OPCML: variants seen among roughly 807,000 people sequenced by gnomAD.
The protein encoded by OPCML is opioid-binding protein/cell adhesion molecule.
Under a neutral mutation model 37.8 loss-of-function variants are expected in OPCML, and 13 were observed. The ratio of observed to expected loss-of-function variants is 0.34; its 90% confidence interval spans 0.22 to 0.55. OPCML has a LOEUF of 0.55. Among genes scored for constraint, OPCML ranks in the 20% least tolerant of loss-of-function variants. OPCML has a pLI of 0.91. For synonymous variants in OPCML, 176 were observed against 168.8 expected (o/e 1.04, Z -0.33); for missense variants, 341 against 435.6 (o/e 0.78, Z 1.93).
chr11:133,511,701 C>CT (rs1208121813), intron 1 of OPCML, among the ~76,000 whole-genome samples: 178 of 147,014 alleles, frequency 1.2e-3, no homozygotes, highest in South Asian at 0.011. Context: ...GCCTGATGTA[C>CT]TTTTTTTTTT....
At chr11:133,270,565 C>T (rs763792170) in intron 1 of OPCML, among the ~76,000 whole-genome samples, 1 of 152,102 alleles carries the variant, frequency 6.6e-6, no homozygotes, top group Non-Finnish European at 1.5e-5. Context: ...CCTGTTTATG[C>T]TTTCAGATGT....
intron 1 of OPCML, among the ~76,000 whole-genome samples, chr11:133,319,878 AATTT>A (rs775398863): frequency 6.6e-6 from 1 of 152,186 alleles, no homozygotes; most frequent in Non-Finnish European, 1.5e-5. Flanking sequence ...TCTTTGGCCT[AATTT>A]ATTTGAGTAG....
chr11:133,155,323 G>A (rs1400112155), intron 1 of OPCML, among the ~76,000 whole-genome samples: 1 of 152,020 alleles, frequency 6.6e-6, no homozygotes, highest in African/African-American at 2.4e-5. Context: ...TCTGCCTTCT[G>A]CTTCTACTGT....
intron 2 of OPCML, among the ~76,000 whole-genome samples, chr11:132,807,165 C>T (rs1002077637): frequency 6.6e-6 from 1 of 152,166 alleles, no homozygotes; most frequent in Non-Finnish European, 1.5e-5. Flanking sequence ...AAAGAAACAA[C>T]AAACATAAGA....
chr11:132,713,394 C>G (rs187043224), intron 2 of OPCML, among the ~76,000 whole-genome samples: 5 of 152,150 alleles, frequency 3.3e-5, no homozygotes, highest in African/African-American at 1.2e-4. Flanking sequence ...AATATCTTAA[C>G]CAGTATACAG....
intron 4 of OPCML, among the ~76,000 whole-genome samples, chr11:132,495,781 G>A (rs893997223): frequency 2.6e-5 from 4 of 151,674 alleles, no homozygotes; most frequent in Admixed American, 1.3e-4. Flanking sequence ...TGTGGTCCCG[G>A]CTACTCAGGA....
At chr11:132,567,291 G>T (rs1044352780) in intron 3 of OPCML, among the ~76,000 whole-genome samples, 8 of 152,200 alleles carry the variant, frequency 5.3e-5, no homozygotes, top group African/African-American at 1.9e-4. Context: ...GCAATCAGCT[G>T]ATTTCAAATT....
intron 1 of OPCML, among the ~76,000 whole-genome samples, chr11:133,274,894 G>C (rs1360744364): frequency 6.6e-6 from 1 of 152,220 alleles, no homozygotes; most frequent in Non-Finnish European, 1.5e-5. Context: ...GAAAGCTCGA[G>C]ACCTGCCGTT....
chr11:132,960,541 C>T (rs1304127041), intron 1 of OPCML, among the ~76,000 whole-genome samples: 2 of 152,170 alleles, frequency 1.3e-5, no homozygotes, highest in East Asian at 1.9e-4. Context: ...TAAAGCAGGG[C>T]TGCGAAATAA....
intron 1 of OPCML, among the ~76,000 whole-genome samples, chr11:133,507,512 G>A (rs1315527726): frequency 6.6e-6 from 1 of 152,292 alleles, no homozygotes; most frequent in African/African-American, 2.4e-5. Flanking sequence ...GAGGGGAGCT[G>A]ATTCCTAGGG....
chr11:132,682,225 C>T (rs545738356), intron 2 of OPCML, among the ~76,000 whole-genome samples: 1 of 152,264 alleles, frequency 6.6e-6, no homozygotes, highest in East Asian at 1.9e-4. Flanking sequence ...GCAAGGCACC[C>T]TCGTCATGAG....
chr11:133,354,669 T>C (rs1169475658), intron 1 of OPCML, among the ~76,000 whole-genome samples: 1 of 152,212 alleles, frequency 6.6e-6, no homozygotes, highest in Non-Finnish European at 1.5e-5. Context: ...TTCTGTGTAC[T>C]CAATATTTTG....
intron 1 of OPCML, among the ~76,000 whole-genome samples, chr11:133,458,876 T>A (rs1418531086): frequency 1.6e-5 from 2 of 123,228 alleles, no homozygotes; most frequent in Admixed American, 7.4e-5. Context: ...TACACACACA[T>A]ACACACACAT....
In OPCML at chr11:133,432,527, C is replaced by G. The variant is rs577921850; in HGVS notation, c.61+99737G>C. 4.6e-5 allele frequency among the ~76,000 whole-genome samples: 7 copies of G among 152,242 alleles called. No homozygotes were observed. The East Asian group carries it at 1.2e-3, about 25-fold the overall frequency. On this transcript the variant is annotated intron_variant, in intron 1 of 7. Transcript: ENST00000524381. ...AGTAGCTGGGATTATAGGCACGAGC[C>G]ACCATGCCCAGTTTTTTGTATTTAT...
At chr11:132,432,751 G>A (rs1382204651) in intron 7 of OPCML, among the ~76,000 whole-genome samples, 1 of 152,124 alleles carries the variant, frequency 6.6e-6, no homozygotes, top group East Asian at 1.9e-4. Context: ...GGAGCTTACA[G>A]GATAAAGAGG....
chr11:133,225,897 T>C (rs546833), intron 1 of OPCML, among the ~76,000 whole-genome samples: 72,711 of 152,158 alleles, frequency 0.48, 20,311 homozygotes, highest in Non-Finnish European at 0.63. Flanking sequence ...GTGTTTATGA[T>C]AGATACCAAA....
At chr11:133,204,113 G>A (rs1365596748) in intron 1 of OPCML, among the ~76,000 whole-genome samples, 1 of 136,156 alleles carries the variant, frequency 7.3e-6, no homozygotes, top group Admixed American at 7.6e-5. Flanking sequence ...GACCTTTTTT[G>A]TCTTAACTGA....
chr11:133,351,267 C>T (rs1298346765), intron 1 of OPCML, among the ~76,000 whole-genome samples: 5 of 152,168 alleles, frequency 3.3e-5, no homozygotes, highest in Non-Finnish European at 7.3e-5. Flanking sequence ...TCTCTCCTTT[C>T]TCATGTCCCA....
chr11:132,607,740 A>G (rs1433871923), intron 3 of OPCML, among the ~76,000 whole-genome samples: 1 of 152,166 alleles, frequency 6.6e-6, no homozygotes, highest in Non-Finnish European at 1.5e-5. Context: ...TTTTATATGA[A>G]TCAACACTAT....
Sources: allele counts gnomAD v4.1 joint callset (sites outside exome capture counted in the v4.1 genomes callset), GRCh38; gene constraint gnomAD v4.1.1; transcripts MANE v1.5; gene names NCBI Gene and HGNC (gene_info 2026-07-23, HGNC 2026-07-21).